The following GPR161 variants were observed in gnomAD, a reference collection of about 807,000 sequenced individuals.
The protein encoded by GPR161 is G-protein coupled receptor RE2.
GPR161 carries 25 observed loss-of-function variants against 39.2 expected under a neutral mutation model. The observed-to-expected ratio is 0.64, with a 90% CI of 0.47 to 0.89. GPR161 has a LOEUF of 0.89. Ranked by LOEUF, GPR161 falls within the 40% of genes least tolerant of loss-of-function variation. GPR161 has a pLI of 0.00. For synonymous variants in GPR161, 286 were observed against 276.6 expected, an observed-to-expected ratio of 1.03 and a Z score of -0.34; for missense variants, 547 against 677.8, an observed-to-expected ratio of 0.81 and a Z score of 2.14.
Position 168,085,766 on chromosome 1 carries a change from T to C in GPR161, c.1355A>G (p.Lys452Arg). 1.9e-6 allele frequency: 3 copies of C among 1,613,672 alleles called. No homozygotes were observed. The highest frequency in any genetic ancestry group is 1.7e-6 in the Non-Finnish European group (2 of 1,179,600). The change falls in exon 6 of 6, where the codon AAA (lysine) becomes AGA (arginine). Residue 452 changes from lysine to arginine, a missense_variant. Physicochemically the swap from Lys to Arg is conservative, Grantham distance 26. Transcript: ENST00000682931. ...EAAKNSILHVKAEVHKSLDSY... is the reference protein window; with the variant it reads ...EAAKNSILHVRAEVHKSLDSY... ...GTCCAAGGACTTGTGTACTTCAGCT[T>C]TCACATGAAGAATCGAGTTCTTGGC...
rs1693972876 is a variant in GPR161 at position 168,080,272 on chromosome 1, C to CTGA, written c.*5256_*5258dup. Reference sequence around the variant, plus strand: ...AGCCCTGCTGGCCTGTTCTGTGATACTGATGACTCTTAACTATACCTCATC... The same window carrying CTGA: ...AGCCCTGCTGGCCTGTTCTGTGATACTGATGATGACTCTTAACTATACCTCATC... On this transcript the variant is annotated 3_prime_UTR_variant, in exon 6 of 6. Coordinates refer to ENST00000682931, the MANE Select transcript of GPR161 (RefSeq NM_001375883.1). 6.6e-6 allele frequency: 1 copy of CTGA among 152,190 alleles called. No individual in the cohort carries two copies. The highest frequency in any genetic ancestry group is 2.4e-5 in the African/African-American group (1 of 41,430). 9.4% of individuals were successfully genotyped at this position (152,190 alleles called of 1,614,324 possible).
chr1:168,119,845 G>A (rs1443315840), intron 1 of GPR161, among the ~76,000 whole-genome samples: 2 of 151,900 alleles, frequency 1.3e-5, no homozygotes, highest in Admixed American at 6.5e-5. Context: ...CGTAGTGTTG[G>A]GCCTGCAGGT....
intron 1 of GPR161, among the ~76,000 whole-genome samples, chr1:168,113,854 G>A: frequency 6.6e-6 from 1 of 152,092 alleles, no homozygotes; most frequent in South Asian, 2.1e-4. Flanking sequence ...AGGGAGAGGA[G>A]CAGAAAAAAT....
intron 2 of GPR161, among the ~76,000 whole-genome samples, chr1:168,101,017 C>T (rs975350141): frequency 1.1e-4 from 16 of 152,058 alleles, no homozygotes; most frequent in Non-Finnish European, 2.2e-4. Flanking sequence ...GTGAATTTCG[C>T]TCCAGGCAGC....
chr1:168,119,162 T>C (rs1028010064), intron 1 of GPR161, among the ~76,000 whole-genome samples: 5 of 145,296 alleles, frequency 3.4e-5, no homozygotes, highest in African/African-American at 1.3e-4. Context: ...TTATTCACCA[T>C]AGCTAAAATG....
At chr1:168,090,363 T>C in intron 4 of GPR161, 1 of 494,688 alleles carries the variant, frequency 2.0e-6, no homozygotes, top group Non-Finnish European at 3.6e-6. Flanking sequence ...CCCCATTTTG[T>C]AGAGGAAGAA....
At chr1:168,097,315 G>A (rs1460616466) in intron 2 of GPR161, 83 bp from the exon 3 acceptor site, 28 of 1,424,940 alleles carry the variant, frequency 2.0e-5, no homozygotes, top group Non-Finnish European at 4.8e-6. Context: ...GGGCTCCCAT[G>A]ACTGGGTTGG....
At chr1:168,126,213 T>C (rs764028616) in intron 1 of GPR161, among the ~76,000 whole-genome samples, 3 of 152,330 alleles carry the variant, frequency 2.0e-5, no homozygotes, top group Non-Finnish European at 4.4e-5. Context: ...AGAGGATGCA[T>C]GCAGCCTGGG....
At chr1:168,133,147 A>C (rs1699125275) in intron 1 of GPR161, among the ~76,000 whole-genome samples, 1 of 152,254 alleles carries the variant, frequency 6.6e-6, no homozygotes, top group South Asian at 2.1e-4. Flanking sequence ...AAAGAGGGCT[A>C]GGAAAGAGGA....
intron 2 of GPR161, among the ~76,000 whole-genome samples, chr1:168,099,556 C>T (rs1411293805): frequency 6.6e-6 from 1 of 152,098 alleles, no homozygotes; most frequent in Admixed American, 6.5e-5. Flanking sequence ...TTCTCAACAC[C>T]CAGTTATTAT....
At chr1:168,136,959 C>T, upstream of GPR161, 1 of 925,800 alleles carries the variant, frequency 1.1e-6, no homozygotes, top group Non-Finnish European at 1.3e-6. Flanking sequence ...CCCCGCCCCG[C>T]CCCCCCCACG....
Position 168,085,328 on chromosome 1 carries a change from T to C in GPR161, c.*203A>G. Reference sequence around the variant, plus strand: ...CTGGGACCTAAAAGAAGCTCACATGTGGTCTCTGGAAATGCTGAAGCTGTG... The same window carrying C: ...CTGGGACCTAAAAGAAGCTCACATGCGGTCTCTGGAAATGCTGAAGCTGTG... On this transcript the variant is annotated 3_prime_UTR_variant, in exon 6 of 6. Transcript: ENST00000682931. The C allele has an allele frequency of 3.3e-6, 2 of 599,740 alleles. No homozygotes were observed. Among genetic ancestry groups the C allele is most frequent in the Non-Finnish European group, 5.9e-6 (2 of 337,604 alleles). 37.2% of individuals were successfully genotyped at this position (599,740 alleles called of 1,614,324 possible). A position where few individuals can be genotyped will look rare whatever the true frequency, so the allele number is the denominator to read the frequency against.
In GPR161 at chr1:168,112,340, C is replaced by T. The variant is rs566973357; in HGVS notation, c.-44-7446G>A. 4.6e-5 allele frequency among the ~76,000 whole-genome samples: 7 copies of T among 151,764 alleles called. No homozygotes were observed. In the South Asian group the frequency reaches 8.3e-4, roughly 18 times the overall value. On this transcript the variant is annotated intron_variant, in intron 1 of 5. Coordinates refer to ENST00000682931, the MANE Select transcript of GPR161 (RefSeq NM_001375883.1). ...CTAAAAATACAAAAAATTAGCCAGG[C>T]GTGGTGGTGGGTGCCTGTAGTCCCA...
upstream of GPR161, chr1:168,137,344 C>G: frequency 6.5e-7 from 1 of 1,535,874 alleles, no homozygotes; most frequent in Non-Finnish European, 8.7e-7. Flanking sequence ...CATTCTCCTC[C>G]TCCAGTCCCG....
At chr1:168,092,036 T>A (rs568431952) in intron 3 of GPR161, among the ~76,000 whole-genome samples, 2 of 152,150 alleles carry the variant, frequency 1.3e-5, no homozygotes, top group African/African-American at 4.8e-5. Context: ...AAGGAGGACA[T>A]GGTGTGGGAA....
At position 168,134,855 on chromosome 1, in the gene GPR161, G is replaced by C. The variant is rs1029494514; in HGVS notation, c.-45+1884C>G. 8 of 1,501,796 alleles carry C rather than the reference G, an allele frequency of 5.3e-6. No homozygotes were observed. The African/African-American group carries it at 6.9e-5, about 13-fold the overall frequency. 93.0% of individuals were successfully genotyped at this position (1,501,796 alleles called of 1,614,324 possible). ...CTGTCCACCCGCCTCCTGCACTCAGGCTTCCTGACTGGTCCCTGCTGGCAG... is the reference window on the plus strand; with the variant it reads ...CTGTCCACCCGCCTCCTGCACTCAGCCTTCCTGACTGGTCCCTGCTGGCAG... On this transcript the variant is annotated intron_variant, in intron 1 of 5. Coordinates refer to ENST00000682931, the MANE Select transcript of GPR161 (RefSeq NM_001375883.1).
At position 168,084,773 on chromosome 1, in the gene GPR161, T is replaced by G. The variant is rs937838924; in HGVS notation, c.*758A>C. ...AGTGGTACGTCTTAAATGGATTTTTTTTTTAATTCTGGAAATGAAACACCT... is the reference window on the plus strand; with the variant it reads ...AGTGGTACGTCTTAAATGGATTTTTGTTTTAATTCTGGAAATGAAACACCT... On this transcript the variant is annotated 3_prime_UTR_variant, in exon 6 of 6. Transcript: ENST00000682931. 2.6e-5 allele frequency: 12 copies of G among 453,378 alleles called. No homozygotes were observed. Among genetic ancestry groups the G allele is most frequent in the Admixed American group, 1.7e-4 (7 of 41,896 alleles). 28.1% of individuals were successfully genotyped at this position (453,378 alleles called of 1,614,324 possible). A position where few individuals can be genotyped will look rare whatever the true frequency, so the allele number is the denominator to read the frequency against.
At chr1:168,128,095 A>T (rs941466559) in intron 1 of GPR161, among the ~76,000 whole-genome samples, 1 of 152,086 alleles carries the variant, frequency 6.6e-6, no homozygotes, top group Non-Finnish European at 1.5e-5. Flanking sequence ...ATTTACCTCC[A>T]CCTGTAACTG....
chr1:168,104,840 T>C lies in GPR161; in HGVS notation c.11A>G (p.Asn4Ser), dbSNP rs758598063. Residue 4 changes from asparagine to serine, a missense_variant, in exon 2 of 6, where the codon AAC becomes AGC. Asn to Ser is a conservative substitution (Grantham distance 46, BLOSUM62 1). Transcript: ENST00000682931. ...CTCCTTCCTGCAGCTGAGGGAGGAGTTGAGGCTCATGGTCAGTGCACCTCG... is the reference window on the plus strand; with the variant it reads ...CTCCTTCCTGCAGCTGAGGGAGGAGCTGAGGCTCATGGTCAGTGCACCTCG... MSL[N>S]SSLSCRKELS... is the part of the protein sequence containing the mutation. The C allele has an allele frequency of 2.5e-6, 4 of 1,613,334 alleles. No homozygotes were observed. The Admixed American group carries it at 5.0e-5, about 20-fold the overall frequency.
Sources: allele counts gnomAD v4.1 joint callset (sites outside exome capture counted in the v4.1 genomes callset), GRCh38; gene constraint gnomAD v4.1.1; transcripts MANE v1.5; gene names NCBI Gene and HGNC (gene_info 2026-07-23, HGNC 2026-07-21).